GBF1: variants seen among roughly 807,000 people sequenced by gnomAD.
GBF1 encodes the protein Golgi-specific brefeldin A-resistance guanine nucleotide exchange factor 1.
A neutral mutation model predicts 210.5 loss-of-function variants in GBF1; 114 were observed. The observed-to-expected ratio is 0.54, with a 90% CI of 0.47 to 0.63. The LOEUF (loss-of-function observed/expected upper bound fraction) is 0.63, where lower values mean the gene tolerates loss of function less well. GBF1 is among the 30% of genes least tolerant of loss of function. The probability of loss-of-function intolerance (pLI) is 0.00; values close to 1 mark genes in which losing one functional copy is unlikely to be tolerated. For synonymous variants in GBF1, 850 were observed against 889.2 expected, an observed-to-expected ratio of 0.96 and a Z score of 0.78; for missense variants, 1,851 against 2,357.7, an observed-to-expected ratio of 0.79 and a Z score of 4.45.
Position 102,362,587 on chromosome 10 carries a change from G to A in GBF1, c.1799G>A (p.Ser600Asn). Residue 600 changes from serine (S) to asparagine (N), a missense_variant, in exon 15 of 40, where the codon AGC (serine) becomes AAC (asparagine). By Grantham distance (46) the Ser-to-Asn change is conservative (BLOSUM62 1). This residue lies in a region of GBF1 where 804 missense variants were observed against 958.6 expected (regional missense o/e 0.84). Coordinates refer to ENST00000369983, the MANE Select transcript of GBF1 (RefSeq NM_001377137.1). ...EAHCQAKVLN[S>N]LTQQEKKETA... ...CACTGCCAGGCTAAAGTCCTCAACA[G>A]CCTCACCCAGCAAGAGAAGAAGGAG... The A allele has an allele frequency of 6.2e-7, 1 of 1,614,156 alleles. No homozygotes were observed. The highest frequency in any genetic ancestry group is 8.5e-7 in the Non-Finnish European group (1 of 1,179,986).
chr10:102,365,843 C>T (rs769246409), intron 18 of GBF1, among the ~76,000 whole-genome samples: 9 of 150,276 alleles, frequency 6.0e-5, no homozygotes, highest in Admixed American at 2.6e-4. Context: ...TCTGGGAGTT[C>T]GAGGCTGCAG....
rs765533666 is a variant in GBF1 at position 102,381,250 on chromosome 10, C to T, written c.5297C>T (p.Ala1766Val). 9 of 1,613,464 alleles carry T rather than the reference C, an allele frequency of 5.6e-6. No individual in the cohort carries two copies. The highest frequency in any genetic ancestry group is 3.3e-5 in the South Asian group (3 of 91,070). The change falls in exon 39 of 40, where the codon GCC becomes GTC. Residue 1766 changes from alanine (A) to valine (V), a missense_variant. This residue lies in a region of GBF1 where 967 missense variants were observed against 1,247.7 expected (regional missense o/e 0.78). Coordinates refer to ENST00000369983, the MANE Select transcript of GBF1 (RefSeq NM_001377137.1). ...PPPEIPSELG[A>V]CDFEKPESPR... ...CCAGAGATTCCATCTGAGCTGGGGG[C>T]CTGTGGTGAGTCTCTCTAGCCTAGC...
chr10:102,253,474 G>A (rs1465763409), intron 1 of GBF1, among the ~76,000 whole-genome samples: 1 of 152,082 alleles, frequency 6.6e-6, no homozygotes, highest in Non-Finnish European at 1.5e-5. Flanking sequence ...TATTAATTTA[G>A]ATACATACCA....
At chr10:102,231,197 G>T in the GBF1 span, 11 of 1,240,256 alleles carry the variant, frequency 8.9e-6, no homozygotes, top group Non-Finnish European at 1.1e-5. Flanking sequence ...GGGGCCCTGC[G>T]GTCAATAAAC....
chr10:102,243,290 T>C (rs2070585243), upstream of GBF1, among the ~76,000 whole-genome samples: 1 of 152,190 alleles, frequency 6.6e-6, no homozygotes, highest in Non-Finnish European at 1.5e-5. Flanking sequence ...CCCACCATAT[T>C]GAAGGGATCA....
intron 15 of GBF1, 118 bp downstream of exon 15, chr10:102,362,782 C>A (rs767225882): frequency 3.0e-5 from 22 of 736,402 alleles, no homozygotes; most frequent in Non-Finnish European, 5.0e-5. Context: ...AATTCTGTTT[C>A]TGGGCTTTGG....
intron 8 of GBF1, among the ~76,000 whole-genome samples, chr10:102,357,655 A>G (rs1349024487): frequency 6.6e-6 from 1 of 152,094 alleles, no homozygotes; most frequent in African/African-American, 2.4e-5. Context: ...TGTAGAACTG[A>G]GTGTCAGGGC....
At position 102,370,828 on chromosome 10, in the gene GBF1, C is replaced by T. The variant is rs760213274; in HGVS notation, c.3628C>T (p.Arg1210Trp). The change falls in exon 29 of 40, where the codon CGG (arginine) becomes TGG (tryptophan). Residue 1210 changes from arginine (R) to tryptophan (W), a missense_variant. Coordinates refer to ENST00000369983, the MANE Select transcript of GBF1 (RefSeq NM_001377137.1). ...GGTGGGGTTGCTACGCCTGGCCATT[C>T]GGCTTCTCCGGAGAGAAGAGATCAG... ...AVVGLLRLAI[R>W]LLRREEISAQ... 17 of 1,613,996 alleles carry T rather than the reference C, an allele frequency of 1.1e-5. No homozygotes were observed. Among genetic ancestry groups the T allele is most frequent in the East Asian group, 4.5e-5 (2 of 44,906 alleles).
rs188325244 is a variant in GBF1, at chr10:102,304,094, T to C, written c.164-39957T>C. On this transcript the variant is annotated intron_variant, in intron 3 of 39. Transcript: ENST00000369983. The stretch of plus-strand genomic sequence containing the variant: ...TTAAGTTCTTCTAATAGGAATAAAA[T>C]AACTGCAAAAATATATCCAAACAGA... Among the ~76,000 whole-genome samples the C allele has an allele frequency of 1.8e-3, 271 of 152,226 alleles. 2 individuals carry two copies. The East Asian group carries it at 0.024, about 14-fold the overall frequency.
intron 12 of GBF1, 41 bp downstream of exon 12, chr10:102,360,436 G>T: frequency 7.5e-7 from 1 of 1,329,828 alleles, no homozygotes. Context: ...CCTCTTTCAA[G>T]GGCCAGGGGA....
chr10:102,316,703 T>G lies in GBF1; in HGVS notation c.164-27348T>G, dbSNP rs550970147. Among the ~76,000 whole-genome samples the G allele has an allele frequency of 2.0e-5, 3 of 152,344 alleles. No homozygotes were observed. In the East Asian group the frequency reaches 5.8e-4, roughly 29 times the overall value. On this transcript the variant is annotated intron_variant, in intron 3 of 39. Transcript: ENST00000369983. The stretch of plus-strand genomic sequence containing the variant: ...CTATCCTTTTAGATAGATAGACAGA[T>G]AGACCAACTGATAAAATAAGACCCA...
intron 3 of GBF1, among the ~76,000 whole-genome samples, chr10:102,316,953 C>T (rs1220390523): frequency 6.6e-6 from 1 of 152,066 alleles, no homozygotes; most frequent in Non-Finnish European, 1.5e-5. Flanking sequence ...ATTTTAAATT[C>T]CCTAATAATG....
At chr10:102,371,886 C>T (rs2060225599) in intron 29 of GBF1, among the ~76,000 whole-genome samples, 1 of 149,358 alleles carries the variant, frequency 6.7e-6, no homozygotes, top group Non-Finnish European at 1.5e-5. Context: ...GAGATCGCGC[C>T]ACTGCACTCC....
chr10:102,281,119 A>C (rs1428301613), intron 3 of GBF1, among the ~76,000 whole-genome samples: 1 of 152,126 alleles, frequency 6.6e-6, no homozygotes, highest in African/African-American at 2.4e-5. Context: ...AAATTATCGT[A>C]CCCATGCCTT....
At chr10:102,234,427 G>A in the GBF1 span, among the ~76,000 whole-genome samples, 1 of 152,192 alleles carries the variant, frequency 6.6e-6, no homozygotes, top group Non-Finnish European at 1.5e-5. Flanking sequence ...CAGGAGAAAA[G>A]TCAGGCCAGA....
chr10:102,344,039 AT>A lies in GBF1; in HGVS notation c.164-8del. ...AGATGATACCTCTTCATTTCTGTGT[AT>A]TTTCTTGCAGAACTCTCAGAAATTG... On this transcript the variant is annotated splice_polypyrimidine_tract_variant and intron_variant, in intron 3 of 39. Transcript: ENST00000369983. The A allele has an allele frequency of 6.2e-7, 1 of 1,610,292 alleles. No homozygotes were observed. Among genetic ancestry groups the A allele is most frequent in the African/African-American group, 1.3e-5 (1 of 74,932 alleles).
At chr10:102,352,582 A>G (rs1338010855) in intron 7 of GBF1, 64 bp downstream of exon 7, 3 of 1,146,628 alleles carry the variant, frequency 2.6e-6, no homozygotes, top group South Asian at 1.2e-5. Context: ...CTGCTTCCAC[A>G]CAGCCACGTC....
At chr10:102,273,365 A>G (rs1024181236) in intron 3 of GBF1, among the ~76,000 whole-genome samples, 4 of 152,212 alleles carry the variant, frequency 2.6e-5, no homozygotes, top group Non-Finnish European at 5.9e-5. Flanking sequence ...AATAAAAAAA[A>G]GAAATTATCA....
At chr10:102,361,150 G>A (rs190128358) in intron 13 of GBF1, 30 bp downstream of exon 13, 48 of 1,191,328 alleles carry the variant, frequency 4.0e-5, no homozygotes, top group South Asian at 2.4e-4. Flanking sequence ...AAGAAAAGGG[G>A]GAAAAAAAAT....
Sources: gnomAD v4.1 joint callset for allele counts (sites outside exome capture counted in the v4.1 genomes callset) on GRCh38, gnomAD v4.1.1 for gene constraint, gnomAD v4.1.1 regional missense constraint, MANE v1.5 for transcripts, NCBI Gene and HGNC (gene_info 2026-07-23, HGNC 2026-07-21) for gene names.